Variants in OR4K1 observed in about 807,000 individuals in gnomAD.
OR4K1 encodes olfactory receptor family 4 subfamily K member 1, also known as olfactory receptor 4K1.
In OR4K1, 16 loss-of-function variants were observed where a neutral mutation model predicts 14.4. The observed-to-expected ratio is 1.11, with a 90% CI of 0.75 to 1.68. The LOEUF is 1.68. Ranked by LOEUF, OR4K1 falls within the 40% of genes most tolerant of loss-of-function variation. The pLI, the probability that OR4K1 is intolerant of heterozygous loss-of-function variation, is 0.00. For missense variants in OR4K1, 548 were observed against 376.9 expected, an observed-to-expected ratio of 1.45 and a Z score of -3.76; for synonymous variants, 181 against 133.1, an observed-to-expected ratio of 1.36 and a Z score of -2.48.
chr14:19,934,431 G>A (rs1379589089), intron 1 of OR4K1, among the ~76,000 whole-genome samples: 2 of 152,282 alleles, frequency 1.3e-5, no homozygotes, highest in African/African-American at 4.8e-5. Context: ...TTTGTCAGGT[G>A]TGTATAGAAA....
At chr14:19,922,737 G>A in the OR4K1 span, among the ~76,000 whole-genome samples, 1 of 151,964 alleles carries the variant, frequency 6.6e-6, no homozygotes, top group Non-Finnish European at 1.5e-5. Flanking sequence ...GCCACAATAA[G>A]GACATAGACC....
At chr14:19,929,359 CTGTGTGTGTGTGTGTG>C (rs59130422), upstream of OR4K1, among the ~76,000 whole-genome samples, 924 of 144,356 alleles carry the variant, frequency 6.4e-3, 3 homozygotes, top group Non-Finnish European at 8.1e-3. Context: ...ATATCACACT[CTGTGTGTGTGTGTGTG>C]TGTGTGTGTG....
chr14:19,932,092 T>A (rs1249983540), intron 1 of OR4K1, among the ~76,000 whole-genome samples: 2 of 152,216 alleles, frequency 1.3e-5, no homozygotes, highest in African/African-American at 4.8e-5. Flanking sequence ...AGGAAGTTAG[T>A]TTGGAGAGGA....
chr14:19,921,118 C>G, the OR4K1 span: 1 of 1,614,142 alleles, frequency 6.2e-7, no homozygotes, highest in Non-Finnish European at 8.5e-7. Context: ...TTTTGTGGAC[C>G]TAATGTAGTA....
chr14:19,936,548 TA>T lies in OR4K1; in HGVS notation c.885del (p.Ala296GlnfsTer6), dbSNP rs1882331493. On this transcript the variant is annotated frameshift_variant, in exon 2 of 2. Transcript: ENST00000641172. LOFTEE classifies it high-confidence loss of function. ...IIYSLRNEDV[K>X]AAMWKLRNRH... ...TCTACTCTCTGAGGAATGAAGATGT[TA>T]AAGCAGCCATGTGGAAGCTGAGAAA... 2 of 1,611,080 alleles carry T rather than the reference TA, an allele frequency of 1.2e-6. No individual in the cohort carries two copies. Among genetic ancestry groups the T allele is most frequent in the Admixed American group, 3.4e-5 (2 of 59,472 alleles).
chr14:19,936,087 T>C lies in OR4K1; in HGVS notation c.421T>C (p.Cys141Arg). 7 of 1,614,254 alleles carry C rather than the reference T, an allele frequency of 4.3e-6. No homozygotes were observed. Among genetic ancestry groups the C allele is most frequent in the Non-Finnish European group, 5.9e-6 (7 of 1,180,046 alleles). Residue 141 changes from cysteine to arginine, a missense_variant, in exon 2 of 2, where the codon TGT (cysteine) becomes CGT (arginine). By Grantham distance (180) the Cys-to-Arg change is radical (BLOSUM62 -3). Transcript: ENST00000641172. Reference sequence around the variant, plus strand: ...CAGTACAATTATGAACCGGAGGCTCTGTGTAATTTTTGTGTCTATTTCCTG... The same window carrying C: ...CAGTACAATTATGAACCGGAGGCTCCGTGTAATTTTTGTGTCTATTTCCTG... Reference protein sequence around the residue: ...HYSTIMNRRLCVIFVSISWAV... With the variant: ...HYSTIMNRRLRVIFVSISWAV...
chr14:19,935,080 C>T (rs1211886158), intron 1 of OR4K1, among the ~76,000 whole-genome samples: 7 of 152,198 alleles, frequency 4.6e-5, no homozygotes, highest in South Asian at 2.1e-4. Flanking sequence ...ATCTACCATT[C>T]GTTAATTTAA....
chr14:19,935,582 T>C lies in OR4K1; in HGVS notation c.-19-66T>C, dbSNP rs1448609173. On this transcript the variant is annotated intron_variant, in intron 1 of 1. Coordinates refer to ENST00000641172, the MANE Select transcript of OR4K1 (RefSeq NM_001004063.3). ...TTGTTTAGAATTGACTATATTTCTT[T>C]TGTTTATAAACTAGAGGTATTGTAA... The C allele has an allele frequency of 6.0e-6, 7 of 1,176,114 alleles. No individual in the cohort carries two copies. The African/African-American group carries it at 1.1e-4, about 18-fold the overall frequency. The allele number at this position is 1,176,114 out of a possible 1,614,324, so 72.9% of individuals were successfully genotyped here.
chr14:19,923,134 T>C, the OR4K1 span, among the ~76,000 whole-genome samples: 1 of 152,260 alleles, frequency 6.6e-6, no homozygotes, highest in African/African-American at 2.4e-5. Flanking sequence ...TGTAAATATG[T>C]AGAAATCAGA....
At chr14:19,930,870 T>C (rs1398248057), upstream of OR4K1, 3 of 152,400 alleles carry the variant, frequency 2.0e-5, no homozygotes, top group South Asian at 2.1e-4. Context: ...GTTGAAAGGC[T>C]TTATATTGTA....
At chr14:19,925,373 A>AG in the OR4K1 span, among the ~76,000 whole-genome samples, 1 of 152,252 alleles carries the variant, frequency 6.6e-6, no homozygotes, top group Non-Finnish European at 1.5e-5. Flanking sequence ...GAAAAAAAAA[A>AG]CTACCTTTTT....
the OR4K1 span, chr14:19,921,483 G>A: frequency 3.3e-5 from 53 of 1,613,898 alleles, no homozygotes; most frequent in Non-Finnish European, 4.2e-5. Flanking sequence ...AAGGAATAGG[G>A]ATATGAAGGC....
In OR4K1 at chr14:19,935,977, T is replaced by C. The variant is rs1430471810; in HGVS notation, c.311T>C (p.Leu104Pro). 1.2e-6 allele frequency: 2 copies of C among 1,614,286 alleles called. No homozygotes were observed. The highest frequency in any genetic ancestry group is 1.7e-6 in the Non-Finnish European group (2 of 1,180,054). Residue 104 changes from leucine (L) to proline (P), a missense_variant, in exon 2 of 2, where the codon CTT becomes CCT. Coordinates refer to ENST00000641172, the MANE Select transcript of OR4K1 (RefSeq NM_001004063.3). ...GGTTGCATGGCCCAGATATTCGTTCTTCACAGTTTTGTTGGGAGTGAGATG... is the reference window on the plus strand; with the variant it reads ...GGTTGCATGGCCCAGATATTCGTTCCTCACAGTTTTGTTGGGAGTGAGATG... ...FEGCMAQIFV[L>P]HSFVGSEMML...
At chr14:19,922,541 C>A in the OR4K1 span, among the ~76,000 whole-genome samples, 1 of 152,166 alleles carries the variant, frequency 6.6e-6, no homozygotes, top group Middle Eastern at 3.2e-3. Context: ...AGGGCATCAC[C>A]CTTCCACATT....
the OR4K1 span, among the ~76,000 whole-genome samples, chr14:19,924,727 T>C: frequency 6.6e-6 from 1 of 152,240 alleles, no homozygotes; most frequent in Non-Finnish European, 1.5e-5. Flanking sequence ...ATCATTCTAT[T>C]CTAAAGACAC....
chr14:19,923,868 AGTT>A, the OR4K1 span, among the ~76,000 whole-genome samples: 1 of 152,232 alleles, frequency 6.6e-6, no homozygotes, highest in African/African-American at 2.4e-5. Flanking sequence ...TCCTATTACC[AGTT>A]GCTAATTCTT....
rs1882291872 is a variant in OR4K1 at position 19,935,720 on chromosome 14, T to G, written c.54T>G (p.Ser18=). The stretch of plus-strand genomic sequence containing the variant: ...CTGAGTTTGTACTTTTGGGACTCTC[T>G]AATTCCTGGGGACTTCAACTTTTCT... The part of the protein sequence containing the change: ...MVSEFVLLGL[S]NSWGLQLFFF... Residue 18 remains serine, a synonymous_variant, in exon 2 of 2, where the codon TCT becomes TCG. Transcript: ENST00000641172. 5 of 1,613,710 alleles carry G rather than the reference T, an allele frequency of 3.1e-6. No individual in the cohort carries two copies. The highest frequency in any genetic ancestry group is 8.5e-7 in the Non-Finnish European group (1 of 1,179,934).
chr14:19,933,294 T>C (rs1319228874), intron 1 of OR4K1, among the ~76,000 whole-genome samples: 1 of 152,198 alleles, frequency 6.6e-6, no homozygotes, highest in Non-Finnish European at 1.5e-5. Context: ...ATAACTGCAT[T>C]TAATAGGCTT....
upstream of OR4K1, among the ~76,000 whole-genome samples, chr14:19,928,389 C>T (rs1280940640): frequency 6.6e-6 from 1 of 152,168 alleles, no homozygotes; most frequent in African/African-American, 2.4e-5. Flanking sequence ...GCCAGGATCT[C>T]TTCAGCTATT....
Sources: gnomAD v4.1 joint callset for allele counts (sites outside exome capture counted in the v4.1 genomes callset) on GRCh38, gnomAD v4.1.1 for gene constraint, MANE v1.5 for transcripts, NCBI Gene and HGNC (gene_info 2026-07-23, HGNC 2026-07-21) for gene names.